STK3: variants seen among roughly 807,000 people sequenced by gnomAD.
The protein encoded by STK3 is serine/threonine-protein kinase 3.
STK3 carries 41 observed loss-of-function variants against 58.0 expected under a neutral mutation model. That is an observed-to-expected ratio of 0.71 (90% CI 0.55 to 0.92). The LOEUF (loss-of-function observed/expected upper bound fraction) is 0.92, where lower values mean the gene tolerates loss of function less well. STK3 is among the 40% of genes least tolerant of loss of function. STK3 has a pLI of 0.00. For missense variants in STK3, 479 were observed against 602.7 expected, an observed-to-expected ratio of 0.79 and a Z score of 2.15; for synonymous variants, 170 against 191.0, an observed-to-expected ratio of 0.89 and a Z score of 0.91.
intron 1 of STK3, among the ~76,000 whole-genome samples, chr8:98,923,734 C>T (rs1370174024): frequency 1.3e-5 from 2 of 151,850 alleles, no homozygotes; most frequent in African/African-American, 2.4e-5. Flanking sequence ...TCTGGGGTAC[C>T]CTCCAAGTCA....
chr8:98,461,616 G>C (rs1227317835), intron 10 of STK3, among the ~76,000 whole-genome samples: 1 of 152,144 alleles, frequency 6.6e-6, no homozygotes, highest in African/African-American at 2.4e-5. Context: ...CTATTCTGGT[G>C]CATATCTACC....
intron 1 of STK3, among the ~76,000 whole-genome samples, chr8:98,887,216 G>A (rs528740844): frequency 6.6e-5 from 10 of 152,220 alleles, no homozygotes; most frequent in Admixed American, 2.6e-4. Context: ...AAGTCTGTCC[G>A]TGTTCAGTAC....
chr8:98,781,172 T>C (rs1282669042), intron 1 of STK3, among the ~76,000 whole-genome samples: 2 of 152,172 alleles, frequency 1.3e-5, no homozygotes, highest in Non-Finnish European at 2.9e-5. Context: ...AGCCCTGCCA[T>C]CGCCCAGGCT....
chr8:98,485,163 C>T lies in STK3; in HGVS notation c.1318-29163G>A, dbSNP rs1376068151. Among the ~76,000 whole-genome samples, 3 of 152,078 alleles carry T rather than the reference C, an allele frequency of 2.0e-5. 1 individual carries two copies. The highest frequency in any genetic ancestry group is 4.2e-4 in the South Asian group (2 of 4,816). ...GGCTGAGGCAGGAGAATCACTTGAA[C>T]CCAGGAGGCAGAGGTTGCAGTGAGC... is the stretch of plus-strand genomic sequence containing the variant. On this transcript the variant is annotated intron_variant, in intron 10 of 10. Coordinates refer to ENST00000419617, the MANE Select transcript of STK3 (RefSeq NM_006281.4).
intron 7 of STK3, among the ~76,000 whole-genome samples, chr8:98,584,386 A>G (rs1289895053): frequency 6.6e-6 from 1 of 151,914 alleles, no homozygotes; most frequent in Non-Finnish European, 1.5e-5. Flanking sequence ...ACTGAGAATG[A>G]TGATTTCCAA....
At chr8:98,786,556 T>C (rs1257601879) in intron 1 of STK3, among the ~76,000 whole-genome samples, 1 of 152,158 alleles carries the variant, frequency 6.6e-6, no homozygotes, top group African/African-American at 2.4e-5. Flanking sequence ...GAATGAAAGC[T>C]GATCTTTTGA....
intron 3 of STK3, among the ~76,000 whole-genome samples, chr8:98,859,917 C>T (rs1463444561): frequency 6.6e-6 from 1 of 152,196 alleles, no homozygotes; most frequent in Non-Finnish European, 1.5e-5. Context: ...TGCTTACCTA[C>T]TTGAGCTCCA....
At chr8:98,651,831 G>A (rs1820962621) in intron 6 of STK3, 1 of 152,324 alleles carries the variant, frequency 6.6e-6, no homozygotes, top group Middle Eastern at 3.4e-3. Context: ...ATGGGACTAT[G>A]TGAAAAGACC....
chr8:98,778,169 A>C (rs1335482003), intron 1 of STK3, among the ~76,000 whole-genome samples: 4 of 152,214 alleles, frequency 2.6e-5, no homozygotes, highest in East Asian at 3.9e-4. Flanking sequence ...CGATGAACTC[A>C]AACAAATTTA....
chr8:98,345,586 T>C, the STK3 span, among the ~76,000 whole-genome samples: 1 of 151,882 alleles, frequency 6.6e-6, no homozygotes, highest in African/African-American at 2.4e-5. Flanking sequence ...CTGAAAATAT[T>C]AGAGGGAACA....
chr8:98,452,949 C>T (rs368397888), downstream of STK3, among the ~76,000 whole-genome samples: 23,545 of 91,492 alleles, frequency 0.26, 3,761 homozygotes, highest in Admixed American at 0.34. Context: ...TTAGTAGAGA[C>T]AGGGTTTCAC....
At chr8:98,858,515 C>T (rs372851077) in intron 3 of STK3, among the ~76,000 whole-genome samples, 189 of 149,966 alleles carry the variant, frequency 1.3e-3, no homozygotes, top group African/African-American at 4.3e-3. Context: ...TATGTTTAAC[C>T]GAAAAAGGTT....
intron 1 of STK3, among the ~76,000 whole-genome samples, chr8:98,910,548 G>T (rs1389652522): frequency 1.3e-5 from 2 of 152,138 alleles, no homozygotes; most frequent in African/African-American, 4.8e-5. Context: ...TGAACATATG[G>T]TGACTCTTTT....
chr8:98,609,837 G>A (rs1401611121), intron 6 of STK3, among the ~76,000 whole-genome samples: 1 of 151,976 alleles, frequency 6.6e-6, no homozygotes, highest in Non-Finnish European at 1.5e-5. Context: ...GCGGGCACCT[G>A]TAGTCCCAGC....
chr8:98,767,285 T>C lies in STK3; in HGVS notation c.194A>G (p.Gln65Arg). 6.2e-7 allele frequency: 1 copy of C among 1,612,094 alleles called. No homozygotes were observed. The highest frequency in any genetic ancestry group is 8.5e-7 in the Non-Finnish European group (1 of 1,179,560). ...TATGGAAATTTCTTTGATTATTTCC[T>C]GAAGATCTGATTCAACAGGTACTTG... ...IKQVPVESDL[Q>R]EIIKEISIMQ... The change falls in exon 3 of 11, where the codon CAG (glutamine) becomes CGG (arginine). Residue 65 changes from glutamine to arginine, a missense_variant. Gln to Arg is a conservative substitution (Grantham distance 43). This residue lies in a region of STK3 where 126 missense variants were observed against 210.1 expected (regional missense o/e 0.60). Coordinates refer to ENST00000419617, the MANE Select transcript of STK3 (RefSeq NM_006281.4).
chr8:98,752,335 C>A (rs1374804048), intron 3 of STK3, among the ~76,000 whole-genome samples: 1 of 152,084 alleles, frequency 6.6e-6, no homozygotes, highest in Non-Finnish European at 1.5e-5. Context: ...CTGACAATAA[C>A]AGGCAATGGA....
At chr8:98,691,268 A>C (rs1326988781) in intron 6 of STK3, among the ~76,000 whole-genome samples, 2 of 152,240 alleles carry the variant, frequency 1.3e-5, no homozygotes, top group African/African-American at 2.4e-5. Context: ...TTTCCAAAGA[A>C]TATGAAATGC....
intron 1 of STK3, among the ~76,000 whole-genome samples, chr8:98,823,867 C>T (rs1240738675): frequency 6.6e-6 from 1 of 152,138 alleles, no homozygotes; most frequent in African/African-American, 2.4e-5. Flanking sequence ...ATAATGTATA[C>T]TTAAATTTCC....
intron 3 of STK3, among the ~76,000 whole-genome samples, chr8:98,417,580 T>A (rs1350353701): frequency 1.3e-5 from 2 of 152,186 alleles, no homozygotes; most frequent in African/African-American, 4.8e-5. Context: ...TTGCCTTGAA[T>A]CCTGGCTCTA....
Sources: gnomAD v4.1 joint callset for allele counts (sites outside exome capture counted in the v4.1 genomes callset) on GRCh38, gnomAD v4.1.1 for gene constraint, gnomAD v4.1.1 regional missense constraint, MANE v1.5 for transcripts, NCBI Gene and HGNC (gene_info 2026-07-23, HGNC 2026-07-21) for gene names.